Variants in DZANK1 observed in about 807,000 individuals in gnomAD.
DZANK1 encodes double zinc ribbon and ankyrin repeat domains 1, also known as double zinc ribbon and ankyrin repeat-containing protein 1.
DZANK1 carries 91 observed loss-of-function variants against 94.5 expected under a neutral mutation model. The observed-to-expected ratio is 0.96, with a 90% CI of 0.81 to 1.15. The LOEUF (loss-of-function observed/expected upper bound fraction) is 1.15, where lower values mean the gene tolerates loss of function less well. Among genes scored for constraint, DZANK1 ranks in the 50% most tolerant of loss-of-function variants. The pLI is 0.00. For missense variants in DZANK1, 903 were observed against 916.4 expected (o/e 0.99, Z 0.19); for synonymous variants, 312 against 325.3 (o/e 0.96, Z 0.44).
intron 13 of DZANK1, among the ~76,000 whole-genome samples, chr20:18,400,948 T>C (rs2056643530): frequency 6.6e-6 from 1 of 152,200 alleles, no homozygotes; most frequent in Non-Finnish European, 1.5e-5. Flanking sequence ...ATACTTCTTT[T>C]TTTTTTAGAC....
intron 10 of DZANK1, among the ~76,000 whole-genome samples, chr20:18,421,730 A>G (rs1204246231): frequency 6.6e-6 from 1 of 152,164 alleles, no homozygotes; most frequent in Non-Finnish European, 1.5e-5. Flanking sequence ...GGTATGTCCC[A>G]TAGGCTTTTG....
chr20:18,385,114 G>C, intron 19 of DZANK1, 24 bp from the exon 20 acceptor site: 1 of 1,550,290 alleles, frequency 6.5e-7, no homozygotes, highest in South Asian at 1.2e-5. Flanking sequence ...AAAAATCCTG[G>C]ATAAATCCTT....
At chr20:18,391,620 G>A (rs2055992111) in intron 17 of DZANK1, among the ~76,000 whole-genome samples, 1 of 152,206 alleles carries the variant, frequency 6.6e-6, no homozygotes, top group Non-Finnish European at 1.5e-5. Context: ...GAAGGAAGCT[G>A]TTTAGAAAGC....
chr20:18,421,665 C>G (rs2057783466), intron 10 of DZANK1, among the ~76,000 whole-genome samples: 1 of 152,128 alleles, frequency 6.6e-6, no homozygotes, highest in African/African-American at 2.4e-5. Flanking sequence ...GCACTTATTC[C>G]AAGTACTTTT....
intron 9 of DZANK1, among the ~76,000 whole-genome samples, chr20:18,429,398 T>C (rs1398555840): frequency 6.6e-6 from 1 of 152,186 alleles, no homozygotes; most frequent in Non-Finnish European, 1.5e-5. Context: ...TACAAAACCC[T>C]GTTTTTTTAA....
At chr20:18,396,802 C>T (rs184616171) in intron 14 of DZANK1, among the ~76,000 whole-genome samples, 2 of 152,280 alleles carry the variant, frequency 1.3e-5, no homozygotes. Flanking sequence ...AAAGAGACTG[C>T]CAAATTGAAT....
intron 10 of DZANK1, among the ~76,000 whole-genome samples, chr20:18,417,124 A>G (rs1464798603): frequency 6.6e-6 from 1 of 152,166 alleles, no homozygotes; most frequent in East Asian, 1.9e-4. Context: ...ATCAGAATGA[A>G]CATGCATTGT....
At chr20:18,453,066 C>T (rs1007582274) in intron 5 of DZANK1, among the ~76,000 whole-genome samples, 1 of 152,208 alleles carries the variant, frequency 6.6e-6, no homozygotes, top group African/African-American at 2.4e-5. Flanking sequence ...CTGTAAATGT[C>T]GTTAGCAGCC....
intron 9 of DZANK1, among the ~76,000 whole-genome samples, chr20:18,431,953 C>A (rs990119756): frequency 3.3e-5 from 5 of 152,190 alleles, no homozygotes; most frequent in African/African-American, 4.8e-5. Flanking sequence ...TCAAATTATT[C>A]CTATTATAAC....
intron 2 of DZANK1, among the ~76,000 whole-genome samples, chr20:18,462,814 T>C (rs547729375): frequency 1.3e-5 from 2 of 151,878 alleles, no homozygotes; most frequent in African/African-American, 4.8e-5. Context: ...GGCACACAAC[T>C]GTAATCCCAG....
At chr20:18,448,883 AAAAGTTGGAGGTGGGC>A in intron 7 of DZANK1, 85 bp downstream of exon 7, 3 of 973,100 alleles carry the variant, frequency 3.1e-6, no homozygotes, top group East Asian at 2.5e-5. Context: ...AAAAAAAAAA[AAAAGTTGGAGGTGGGC>A]AAAAATGTCG....
At chr20:18,394,291 C>A (rs758260804) in exon 16 of DZANK1, 1 of 1,613,792 alleles carries the variant, frequency 6.2e-7, no homozygotes, top group South Asian at 1.1e-5. Context: ...CCCCATCACC[C>A]TCGGCAGCAC....
chr20:18,425,749 G>GA (rs2058012254), intron 10 of DZANK1, among the ~76,000 whole-genome samples: 1 of 152,112 alleles, frequency 6.6e-6, no homozygotes, highest in Non-Finnish European at 1.5e-5. Context: ...GTGTCCTTAT[G>GA]AAAAAGGGAA....
intron 6 of DZANK1, among the ~76,000 whole-genome samples, chr20:18,450,978 C>T (rs374781739): frequency 3.3e-5 from 5 of 152,266 alleles, no homozygotes; most frequent in East Asian, 1.9e-4. Flanking sequence ...TAGAGTCTCA[C>T]GTTGTTGCCA....
At chr20:18,384,921 A>T in intron 20 of DZANK1, 95 bp downstream of exon 20, 1 of 1,205,830 alleles carries the variant, frequency 8.3e-7, no homozygotes, top group Non-Finnish European at 1.2e-6. Context: ...CAGGGACAGC[A>T]GTTCAGGAAC....
intron 2 of DZANK1, among the ~76,000 whole-genome samples, chr20:18,464,439 G>A (rs563403691): frequency 1.3e-5 from 2 of 152,092 alleles, no homozygotes; most frequent in East Asian, 1.9e-4. Context: ...ATACATACAC[G>A]AACCTATTTA....
intron 10 of DZANK1, among the ~76,000 whole-genome samples, chr20:18,419,701 A>AC (rs1436498445): frequency 9.2e-5 from 14 of 152,294 alleles, no homozygotes; most frequent in African/African-American, 3.4e-4. Context: ...CTCTTTGAGA[A>AC]TGAAGTTGAA....
chr20:18,420,008 A>G (rs1735116365), intron 10 of DZANK1, among the ~76,000 whole-genome samples: 1 of 152,214 alleles, frequency 6.6e-6, no homozygotes, highest in African/African-American at 2.4e-5. Context: ...TACTCTGCAG[A>G]AAACATGCAG....
intron 7 of DZANK1, 46 bp downstream of exon 7, chr20:18,448,938 T>C (rs147007077): frequency 1.4e-6 from 2 of 1,476,852 alleles, no homozygotes; most frequent in East Asian, 2.3e-5. Context: ...GACCATGATG[T>C]ATCTTTGTAG....
Sources: allele counts gnomAD v4.1 joint callset (sites outside exome capture counted in the v4.1 genomes callset), GRCh38; gene constraint gnomAD v4.1.1; transcripts MANE v1.5; gene names NCBI Gene and HGNC (gene_info 2026-07-23, HGNC 2026-07-21).